Variants in ETS1 observed in about 807,000 individuals in gnomAD.
ETS1 encodes protein C-ets-1.
Under a neutral mutation model 58.6 loss-of-function variants are expected in ETS1, and 15 were observed. That is an observed-to-expected ratio of 0.26 (90% CI 0.17 to 0.39). ETS1 has a LOEUF of 0.39. Ranked by LOEUF, ETS1 falls within the 10% of genes least tolerant of loss-of-function variation. ETS1 has a pLI of 1.00. For missense variants in ETS1, 417 were observed against 610.5 expected, an observed-to-expected ratio of 0.68 and a Z score of 3.34; for synonymous variants, 214 against 218.2, an observed-to-expected ratio of 0.98 and a Z score of 0.17.
At chr11:128,499,200 A>G (rs1372429999) in intron 3 of ETS1, among the ~76,000 whole-genome samples, 1 of 152,186 alleles carries the variant, frequency 6.6e-6, no homozygotes, top group Non-Finnish European at 1.5e-5. Context: ...TCTGACAACT[A>G]CATCTTGCTA....
chr11:128,498,051 C>A (rs1037351439), intron 3 of ETS1, among the ~76,000 whole-genome samples: 2 of 152,158 alleles, frequency 1.3e-5, no homozygotes, highest in Non-Finnish European at 2.9e-5. Context: ...TCTCTAGCAG[C>A]CTGGCAAGTG....
At position 128,556,260 on chromosome 11, in the gene ETS1, C is replaced by A. The variant is rs546089278; in HGVS notation, c.214+31G>T. ...CATTTCCATTGTCCTTCAACTCTAT[C>A]CTCATTCCCAGCTTTTGTTTATGTT... On this transcript the variant is annotated intron_variant, in intron 3 of 9. Coordinates refer to ENST00000392668, the MANE Select transcript of ETS1 (RefSeq NM_001143820.2). The A allele has an allele frequency of 2.6e-5, 41 of 1,582,916 alleles. No homozygotes were observed. In the East Asian group the frequency reaches 8.5e-4, roughly 33 times the overall value.
At chr11:128,586,224 A>G (rs879629017) in intron 1 of ETS1, among the ~76,000 whole-genome samples, 8 of 152,240 alleles carry the variant, frequency 5.3e-5, no homozygotes, top group Non-Finnish European at 1.2e-4. Context: ...TAGAAGCAGC[A>G]TGCTTCTTCA....
intron 1 of ETS1, among the ~76,000 whole-genome samples, chr11:128,586,921 C>A (rs1865043429): frequency 6.6e-6 from 1 of 152,146 alleles, no homozygotes. Flanking sequence ...CATGTCTCAA[C>A]AACAGACTTA....
At chr11:128,557,183 A>G (rs994428814) in intron 2 of ETS1, among the ~76,000 whole-genome samples, 3 of 152,198 alleles carry the variant, frequency 2.0e-5, no homozygotes, top group African/African-American at 7.2e-5. Flanking sequence ...CCTGTTCCTT[A>G]ATCCAAACCT....
At chr11:128,556,181 C>A (rs748240880) in intron 3 of ETS1, 110 bp downstream of exon 3, 12 of 947,620 alleles carry the variant, frequency 1.3e-5, no homozygotes, top group South Asian at 1.9e-5. Context: ...ACAATAGCAT[C>A]TGTACCCGCA....
At chr11:128,585,083 AAAGAAAG>A (rs1565421402) in intron 1 of ETS1, among the ~76,000 whole-genome samples, 5 of 34,160 alleles carry the variant, frequency 1.5e-4, no homozygotes, top group African/African-American at 1.4e-3. Flanking sequence ...AAAGAGAAAG[AAAGAAAG>A]GAAAGAAAGA....
intron 3 of ETS1, among the ~76,000 whole-genome samples, chr11:128,524,429 A>G (rs1331795207): frequency 6.6e-6 from 1 of 152,238 alleles, no homozygotes; most frequent in Non-Finnish European, 1.5e-5. Context: ...AGTTACCTCC[A>G]GATGATATTA....
intron 8 of ETS1, among the ~76,000 whole-genome samples, chr11:128,471,712 G>A (rs1440740568): frequency 6.6e-6 from 1 of 152,164 alleles, no homozygotes; most frequent in Non-Finnish European, 1.5e-5. Context: ...CAAAGAAAAG[G>A]TTTTTCCAGC....
chr11:128,524,721 G>A (rs1312564621), intron 3 of ETS1, among the ~76,000 whole-genome samples: 1 of 152,148 alleles, frequency 6.6e-6, no homozygotes, highest in East Asian at 1.9e-4. Flanking sequence ...TAGTGCCTAA[G>A]ACATTACAGA....
intron 3 of ETS1, among the ~76,000 whole-genome samples, chr11:128,544,340 A>AATATATATATATATATATATATAT (rs10542616): frequency 7.9e-4 from 92 of 117,030 alleles, no homozygotes; most frequent in Non-Finnish European, 9.8e-4. Context: ...ATTGTTTACT[A>AATATATATATATATATATATATAT]ATATATATAT....
At chr11:128,473,176 G>C (rs572408236) in intron 8 of ETS1, among the ~76,000 whole-genome samples, 28 of 152,308 alleles carry the variant, frequency 1.8e-4, no homozygotes, top group African/African-American at 6.5e-4. Flanking sequence ...CTGGGATTGA[G>C]CTAAATAATT....
rs1864311483 is a variant in ETS1 at position 128,556,301 on chromosome 11, G to A, written c.204C>T (p.His68=). ...ATQEVPTGLE[H]CVSDMECADV... is the part of the protein sequence containing the mutation. ...TGTTTATGTTCCTACCTGAGACACA[G>A]TGTTCAAGACCAGTAGGAACTTCCT... Residue 68 remains histidine (H), a synonymous_variant, in exon 3 of 10, where the codon CAC becomes CAT. Coordinates refer to ENST00000392668, the MANE Select transcript of ETS1 (RefSeq NM_001143820.2). 2.5e-6 allele frequency: 4 copies of A among 1,610,010 alleles called. No individual in the cohort carries two copies. Among genetic ancestry groups the A allele is most frequent in the Non-Finnish European group, 3.4e-6 (4 of 1,178,500 alleles).
intron 3 of ETS1, chr11:128,526,788 G>C (rs1565397740): frequency 2.7e-6 from 1 of 366,030 alleles, no homozygotes; most frequent in Non-Finnish European, 5.3e-6. Context: ...CACATTTGTA[G>C]TGCCTCTTTG....
intron 3 of ETS1, among the ~76,000 whole-genome samples, chr11:128,544,943 G>T (rs1473743737): frequency 6.6e-6 from 1 of 151,782 alleles, no homozygotes; most frequent in Non-Finnish European, 1.5e-5. Flanking sequence ...TAGCTTCAAG[G>T]GTATAACCTT....
chr11:128,494,460 A>G (rs899602775), intron 3 of ETS1, among the ~76,000 whole-genome samples: 3 of 152,236 alleles, frequency 2.0e-5, no homozygotes, highest in Non-Finnish European at 1.5e-5. Flanking sequence ...CTCTGAATCT[A>G]CAGAAGAATA....
At chr11:128,530,402 A>G (rs748157294) in intron 3 of ETS1, 6 of 152,274 alleles carry the variant, frequency 3.9e-5, no homozygotes, top group Admixed American at 3.9e-4. Context: ...GGCATGTGTG[A>G]CGTGTAAGAG....
chr11:128,540,044 G>A (rs1226332790), intron 3 of ETS1, among the ~76,000 whole-genome samples: 1 of 152,216 alleles, frequency 6.6e-6, no homozygotes, highest in African/African-American at 2.4e-5. Flanking sequence ...GGGCGCAGTG[G>A]ATCATGCCTG....
At chr11:128,465,433 G>A (rs1862008187) in intron 8 of ETS1, among the ~76,000 whole-genome samples, 1 of 152,132 alleles carries the variant, frequency 6.6e-6, no homozygotes, top group Non-Finnish European at 1.5e-5. Flanking sequence ...AGGTTTCTTG[G>A]GAGTTGCCTA....
Sources: gnomAD v4.1 joint callset for allele counts (sites outside exome capture counted in the v4.1 genomes callset) on GRCh38, gnomAD v4.1.1 for gene constraint, MANE v1.5 for transcripts, NCBI Gene and HGNC (gene_info 2026-07-23, HGNC 2026-07-21) for gene names.